Variants in SMURF2 observed in about 807,000 individuals in gnomAD.
SMURF2 encodes the protein E3 ubiquitin-protein ligase SMURF2.
Under a neutral mutation model 109.6 loss-of-function variants are expected in SMURF2, and 48 were observed. The ratio of observed to expected loss-of-function variants is 0.44; its 90% CI spans 0.35 to 0.56. SMURF2 has a LOEUF of 0.56. Ranked by LOEUF, SMURF2 falls within the 20% of genes least tolerant of loss-of-function variation. The pLI is 0.01. For missense variants in SMURF2, 575 were observed against 909.0 expected, an observed-to-expected ratio of 0.63 and a Z score of 4.72; for synonymous variants, 288 against 317.1, an observed-to-expected ratio of 0.91 and a Z score of 0.97.
chr17:64,632,727 G>GT (rs1339111453), intron 1 of SMURF2, among the ~76,000 whole-genome samples: 2 of 152,166 alleles, frequency 1.3e-5, no homozygotes, highest in African/African-American at 4.8e-5. Context: ...GGAAGACAGT[G>GT]TAACACAGAG....
chr17:64,579,091 G>T (rs1201880924), intron 8 of SMURF2, among the ~76,000 whole-genome samples: 1 of 152,166 alleles, frequency 6.6e-6, no homozygotes. Flanking sequence ...AGATACTGGG[G>T]AGACATTCTA....
chr17:64,619,235 T>TTGGGAGGCCCG (rs1970166163), intron 1 of SMURF2, among the ~76,000 whole-genome samples: 1 of 151,708 alleles, frequency 6.6e-6, no homozygotes, highest in Non-Finnish European at 1.5e-5. Context: ...TACTAACACT[T>TTGGGAGGCCCG]TGGGAGGCCG....
At position 64,542,864 on chromosome 17, in the gene SMURF2, A is replaced by T. The variant is rs1968893923; in HGVS notation, c.*2984T>A. ...CGGGGCAACAAACTATGTGCAAAAC[A>T]AAATGTACACTATACACTATACACT... On this transcript the variant is annotated 3_prime_UTR_variant, in exon 19 of 19. Transcript: ENST00000262435. 6.6e-6 allele frequency: 1 copy of T among 151,580 alleles called. No individual in the cohort carries two copies. Among genetic ancestry groups the T allele is most frequent in the African/African-American group, 2.5e-5 (1 of 40,800 alleles). The allele number at this position is 151,580 out of a possible 1,614,324, so 9.4% of individuals were successfully genotyped here.
intron 1 of SMURF2, among the ~76,000 whole-genome samples, chr17:64,624,253 T>C (rs1260983954): frequency 6.6e-6 from 1 of 152,174 alleles, no homozygotes; most frequent in Non-Finnish European, 1.5e-5. Context: ...TCCCACCACT[T>C]TGGGAGGCTG....
chr17:64,576,651 G>A (rs1258851374), intron 9 of SMURF2, among the ~76,000 whole-genome samples: 7 of 151,098 alleles, frequency 4.6e-5, no homozygotes, highest in African/African-American at 1.7e-4. Flanking sequence ...ACAACAGAAT[G>A]AGACTCCATC....
chr17:64,614,957 A>T (rs1970101408), intron 1 of SMURF2, among the ~76,000 whole-genome samples: 1 of 152,190 alleles, frequency 6.6e-6, no homozygotes, highest in Non-Finnish European at 1.5e-5. Flanking sequence ...ATTAGAGAAA[A>T]CCATTTGCAG....
chr17:64,573,901 C>T (rs1969452198), intron 9 of SMURF2, among the ~76,000 whole-genome samples: 1 of 152,158 alleles, frequency 6.6e-6, no homozygotes, highest in Non-Finnish European at 1.5e-5. Flanking sequence ...ATTGCATGTT[C>T]TCACTTATAA....
intron 9 of SMURF2, among the ~76,000 whole-genome samples, chr17:64,578,217 T>C (rs1232443873): frequency 6.6e-6 from 1 of 152,106 alleles, no homozygotes; most frequent in Non-Finnish European, 1.5e-5. Flanking sequence ...GTGCTGGGAT[T>C]ACAGGCATGA....
intron 1 of SMURF2, among the ~76,000 whole-genome samples, chr17:64,626,553 A>C (rs1419070582): frequency 2.6e-5 from 4 of 152,164 alleles, no homozygotes; most frequent in African/African-American, 7.2e-5. Context: ...ATTTGAGGTC[A>C]GGAGTTCAAG....
chr17:64,593,328 A>C lies in SMURF2; in HGVS notation c.334+112T>G, dbSNP rs191798435. The C allele has an allele frequency of 1.7e-4, 143 of 831,466 alleles. No homozygotes were observed. In the African/African-American group the frequency reaches 2.4e-3, roughly 14 times the overall value. The allele number at this position is 831,466 out of a possible 1,614,324, so 51.5% of individuals were successfully genotyped here. A position where few individuals can be genotyped will look rare whatever the true frequency, so the allele number is the denominator to read the frequency against. ...ACTCAAATATATATATTATTTTTAA[A>C]TATATATTTGAGGATACATATATAG... On this transcript the variant is annotated intron_variant, in intron 4 of 18. Transcript: ENST00000262435.
intron 14 of SMURF2, among the ~76,000 whole-genome samples, chr17:64,555,215 C>G (rs1969101615): frequency 6.6e-6 from 1 of 152,276 alleles, no homozygotes; most frequent in East Asian, 1.9e-4. Flanking sequence ...TGAGAAAGAG[C>G]CTTGGTCAAA....
In SMURF2 at chr17:64,568,162, G is replaced by A. The variant is rs1969342917; in HGVS notation, c.1016+3636C>T. Among the ~76,000 whole-genome samples the A allele has an allele frequency of 2.6e-5, 4 of 151,616 alleles. No individual in the cohort carries two copies. The South Asian group carries it at 8.3e-4, about 32-fold the overall frequency. ...GGCCACCGCGCCTGGCCTAATTTTT[G>A]TATTTTTAGTAGAGACGGGGTTTCA... On this transcript the variant is annotated intron_variant, in intron 10 of 18. Coordinates refer to ENST00000262435, the MANE Select transcript of SMURF2 (RefSeq NM_022739.4).
At position 64,566,561 on chromosome 17, in the gene SMURF2, GTTTTTTTTTTT is replaced by G. The variant is rs1164717270; in HGVS notation, c.1017-3606_1017-3596del. On this transcript the variant is annotated intron_variant, in intron 10 of 18. Transcript: ENST00000262435. ...GATGTAGAAATGCTTAAGCTTTCTG[GTTTTTTTTTTT>G]TTTTTTTTTTTTTTTTTTTGAGACA... is the stretch of plus-strand genomic sequence containing the variant. Among the ~76,000 whole-genome samples, 349 of 43,816 alleles carry G rather than the reference GTTTTTTTTTTT, an allele frequency of 8.0e-3. 6 individuals carry two copies. The East Asian group carries it at 0.092, about 12-fold the overall frequency. 28.7% of individuals were successfully genotyped at this position (43,816 alleles called of 152,430 possible).
intron 9 of SMURF2, among the ~76,000 whole-genome samples, chr17:64,577,121 T>C (rs1969504379): frequency 1.3e-5 from 2 of 152,118 alleles, no homozygotes; most frequent in South Asian, 4.1e-4. Flanking sequence ...CGTATGTTTA[T>C]TACGGCACTA....
At chr17:64,636,867 T>C (rs1176327438) in intron 1 of SMURF2, among the ~76,000 whole-genome samples, 1 of 152,052 alleles carries the variant, frequency 6.6e-6, no homozygotes, top group African/African-American at 2.4e-5. Flanking sequence ...TCTCTCATTC[T>C]ATGAGTTATC....
At chr17:64,552,177 A>T (rs1555683675) in intron 15 of SMURF2, among the ~76,000 whole-genome samples, 1 of 152,228 alleles carries the variant, frequency 6.6e-6, no homozygotes, top group East Asian at 1.9e-4. Context: ...CTCATACCAA[A>T]AATGAGAAGA....
chr17:64,551,746 T>C (rs782534350), intron 15 of SMURF2, 42 bp from the exon 16 acceptor site: 4 of 1,607,920 alleles, frequency 2.5e-6, no homozygotes, highest in Non-Finnish European at 3.4e-6. Flanking sequence ...ACATGTATTT[T>C]CAGATCTGGT....
At chr17:64,580,165 T>C (rs1483117145) in intron 8 of SMURF2, among the ~76,000 whole-genome samples, 2 of 152,338 alleles carry the variant, frequency 1.3e-5, no homozygotes, top group African/African-American at 2.4e-5. Context: ...GTTCAGACTA[T>C]ATACAAGGAT....
At chr17:64,661,748 G>A (rs901494021) in intron 1 of SMURF2, 81 bp downstream of exon 1, 1 of 1,036,424 alleles carries the variant, frequency 9.6e-7, no homozygotes, top group Non-Finnish European at 1.2e-6. Context: ...TCGCGACCCT[G>A]GCCCTTCCCA....
Sources: allele counts gnomAD v4.1 joint callset (sites outside exome capture counted in the v4.1 genomes callset), GRCh38; gene constraint gnomAD v4.1.1; transcripts MANE v1.5; gene names NCBI Gene and HGNC (gene_info 2026-07-23, HGNC 2026-07-21).